SCN11A: variants seen among roughly 807,000 people sequenced by gnomAD.
SCN11A encodes sodium voltage-gated channel alpha subunit 11.
Under a neutral mutation model 162.2 loss-of-function variants are expected in SCN11A, and 122 were observed. The observed-to-expected ratio is 0.75, with a 90% CI of 0.65 to 0.87. The LOEUF is 0.87. SCN11A is among the 40% of genes least tolerant of loss of function. The pLI, the probability that SCN11A is intolerant of heterozygous loss-of-function variation, is 0.00. For synonymous variants in SCN11A, 758 were observed against 751.5 expected, an observed-to-expected ratio of 1.01 and a Z score of -0.14; for missense variants, 2,015 against 2,181.6, an observed-to-expected ratio of 0.92 and a Z score of 1.52.
At chr3:39,020,307 T>C (rs557904538) in intron 2 of SCN11A, among the ~76,000 whole-genome samples, 223 of 152,350 alleles carry the variant, frequency 1.5e-3, no homozygotes, top group Middle Eastern at 3.4e-3. Context: ...ATGTTCTCAA[T>C]AGGTGTGGTC....
At chr3:38,923,362 T>G (rs2066084413) in intron 9 of SCN11A, among the ~76,000 whole-genome samples, 1 of 152,194 alleles carries the variant, frequency 6.6e-6, no homozygotes, top group Non-Finnish European at 1.5e-5. Context: ...TCTCTAGCTC[T>G]GACTTCTCCC....
At chr3:38,950,006 G>T in intron 5 of SCN11A, 90 bp downstream of exon 5, 1 of 782,856 alleles carries the variant, frequency 1.3e-6, no homozygotes. Flanking sequence ...TAAACCCTAA[G>T]AGTGGTGTTT....
chr3:38,920,042 AC>A, intron 10 of SCN11A, 41 bp from the exon 11 acceptor site: 1 of 1,477,570 alleles, frequency 6.8e-7, no homozygotes, highest in Non-Finnish European at 9.4e-7. Flanking sequence ...TTTAAAAAAA[AC>A]ATTGAAAGGA....
chr3:38,938,805 C>T lies in SCN11A; in HGVS notation c.488+6606G>A, dbSNP rs1355669912. On this transcript the variant is annotated intron_variant, in intron 7 of 29. Transcript: ENST00000302328. ...TCTTGAACTCCCGACCTCAGGTTAT[C>T]TGCCCGCCTCGGCCTCCCAAAGCGC... Among the ~76,000 whole-genome samples, 3 of 151,386 alleles carry T rather than the reference C, an allele frequency of 2.0e-5. No homozygotes were observed. The East Asian group carries it at 5.9e-4, about 30-fold the overall frequency.
chr3:38,950,070 C>CCCCCA, intron 5 of SCN11A, 26 bp downstream of exon 5: 1 of 59,902 alleles, frequency 1.7e-5, no homozygotes, highest in Non-Finnish European at 3.1e-5. Flanking sequence ...CCCACCCCCA[C>CCCCCA]CCCCCCCCCC....
chr3:38,967,255 G>C (rs1026579987), intron 2 of SCN11A, among the ~76,000 whole-genome samples: 6 of 152,232 alleles, frequency 3.9e-5, no homozygotes, highest in Non-Finnish European at 8.8e-5. Flanking sequence ...GGGCTGACGT[G>C]TGTAAACAAT....
intron 19 of SCN11A, among the ~76,000 whole-genome samples, chr3:38,889,868 A>G (rs1393670381): frequency 6.7e-6 from 1 of 149,006 alleles, no homozygotes; most frequent in African/African-American, 2.5e-5. Flanking sequence ...AAAATAAAAT[A>G]AAGAAATAAA....
Sources: allele counts gnomAD v4.1 joint callset (sites outside exome capture counted in the v4.1 genomes callset), GRCh38; gene constraint gnomAD v4.1.1; transcripts MANE v1.5; gene names NCBI Gene and HGNC (gene_info 2026-07-23, HGNC 2026-07-21).